The following SCAMP1 variants were observed in gnomAD, a reference collection of about 807,000 sequenced individuals.
SCAMP1 encodes secretory carrier-associated membrane protein 1.
In SCAMP1, 15 loss-of-function variants were observed where a neutral mutation model predicts 41.8. The observed-to-expected ratio is 0.36, with a 90% CI of 0.24 to 0.55. The LOEUF (loss-of-function observed/expected upper bound fraction) is 0.55, where lower values mean the gene tolerates loss of function less well. SCAMP1 is among the 20% of genes least tolerant of loss of function. The pLI, the probability that SCAMP1 is intolerant of heterozygous loss-of-function variation, is 0.86. For missense variants in SCAMP1, 341 were observed against 412.6 expected, an observed-to-expected ratio of 0.83 and a Z score of 1.50; for synonymous variants, 135 against 136.8, an observed-to-expected ratio of 0.99 and a Z score of 0.09.
At chr5:78,458,586 T>TA (rs1231069444) in intron 7 of SCAMP1, among the ~76,000 whole-genome samples, 48 of 152,274 alleles carry the variant, frequency 3.2e-4, no homozygotes, top group Non-Finnish European at 1.3e-4. Context: ...AATAAACATT[T>TA]AAAAAAATGT....
rs188217886 is a variant in SCAMP1, at chr5:78,374,656, T to C, written c.57+13928T>C. 4.0e-4 allele frequency among the ~76,000 whole-genome samples: 61 copies of C among 152,150 alleles called. 1 individual carries two copies. Among genetic ancestry groups the C allele is most frequent in the African/African-American group, 1.4e-3 (58 of 41,542 alleles). ...ATTATATTCACAAATTATGTTTGTTTCCAAAGAAATCTTTCTCTAGAATCT... is the reference window on the plus strand; with the variant it reads ...ATTATATTCACAAATTATGTTTGTTCCCAAAGAAATCTTTCTCTAGAATCT... On this transcript the variant is annotated intron_variant, in intron 1 of 8. Coordinates refer to ENST00000621999, the MANE Select transcript of SCAMP1 (RefSeq NM_004866.6).
chr5:78,444,015 A>G (rs563696733), intron 6 of SCAMP1, among the ~76,000 whole-genome samples: 13 of 152,230 alleles, frequency 8.5e-5, no homozygotes, highest in African/African-American at 3.1e-4. Context: ...ATCTTCTTCC[A>G]AAAAAACACA....
intron 6 of SCAMP1, among the ~76,000 whole-genome samples, chr5:78,425,607 T>C (rs1529499): frequency 0.81 from 123,948 of 152,086 alleles, 51,140 homozygotes; most frequent in East Asian, 0.92. Context: ...AATAAAGACC[T>C]GTTTTAATCC....
intron 1 of SCAMP1, among the ~76,000 whole-genome samples, chr5:78,365,466 T>TC (rs1750770642): frequency 1.0e-5 from 1 of 97,154 alleles, no homozygotes; most frequent in Admixed American, 1.6e-4. Flanking sequence ...AGTGCGAGAC[T>TC]CATCTCAAAA....
rs554185299 is a variant in SCAMP1, at chr5:78,477,102, T to A, written c.*1434T>A. ...TTAGAGGCTGGAAATCCTTATTTTT[T>A]AAAAAATCAGATAGGCATAAATAGT... On this transcript the variant is annotated 3_prime_UTR_variant, in exon 9 of 9. Coordinates refer to ENST00000621999, the MANE Select transcript of SCAMP1 (RefSeq NM_004866.6). 99 of 152,278 alleles carry A rather than the reference T, an allele frequency of 6.5e-4. No homozygotes were observed. The highest frequency in any genetic ancestry group is 2.1e-3 in the African/African-American group (89 of 41,582). 9.4% of individuals were successfully genotyped at this position (152,278 alleles called of 1,614,324 possible).
At chr5:78,403,016 A>G (rs1349741844) in intron 2 of SCAMP1, among the ~76,000 whole-genome samples, 1 of 151,974 alleles carries the variant, frequency 6.6e-6, no homozygotes, top group Admixed American at 6.6e-5. Flanking sequence ...GATTACAGGC[A>G]CCTGCCATCA....
At chr5:78,472,886 G>A (rs1166699949) in intron 8 of SCAMP1, among the ~76,000 whole-genome samples, 1 of 152,086 alleles carries the variant, frequency 6.6e-6, no homozygotes, top group Non-Finnish European at 1.5e-5. Context: ...CAAACTTGGG[G>A]GAAGAGGGGA....
chr5:78,423,710 A>G (rs561232062), intron 6 of SCAMP1, among the ~76,000 whole-genome samples: 94 of 152,242 alleles, frequency 6.2e-4, no homozygotes, highest in Non-Finnish European at 1.2e-3. Context: ...TTGAAATAAA[A>G]ATGCTTGGTG....
chr5:78,417,788 A>C (rs568286613), intron 4 of SCAMP1, among the ~76,000 whole-genome samples: 1 of 152,136 alleles, frequency 6.6e-6, no homozygotes, highest in South Asian at 2.1e-4. Context: ...CTCAAATAGT[A>C]TGAGATTGGT....
At chr5:78,423,281 G>C (rs531406946) in intron 6 of SCAMP1, among the ~76,000 whole-genome samples, 2 of 152,180 alleles carry the variant, frequency 1.3e-5, no homozygotes, top group Non-Finnish European at 2.9e-5. Context: ...ATGGGAGATT[G>C]GTTGCCAAGG....
chr5:78,443,867 C>G (rs571152784), intron 6 of SCAMP1, among the ~76,000 whole-genome samples: 1 of 151,840 alleles, frequency 6.6e-6, no homozygotes, highest in Admixed American at 6.6e-5. Context: ...TATTGCCCCA[C>G]GCTGGTCTTG....
intron 8 of SCAMP1, among the ~76,000 whole-genome samples, chr5:78,460,816 CCTTCCTTTCTT>C (rs1753585671): frequency 3.7e-5 from 1 of 26,746 alleles, no homozygotes; most frequent in African/African-American, 8.7e-5. Context: ...TCCCTTCCTT[CCTTCCTTTCTT>C]GTCTTTCCTC....
At chr5:78,473,136 C>G (rs776071661) in intron 8 of SCAMP1, among the ~76,000 whole-genome samples, 14 of 151,712 alleles carry the variant, frequency 9.2e-5, no homozygotes, top group Admixed American at 2.0e-4. Context: ...TGCTAAGGTA[C>G]TAGGGGAAAG....
chr5:78,447,027 A>G (rs1753067502), intron 6 of SCAMP1, among the ~76,000 whole-genome samples: 1 of 152,212 alleles, frequency 6.6e-6, no homozygotes, highest in Non-Finnish European at 1.5e-5. Context: ...TGTCACATCA[A>G]CAGTGGCATT....
chr5:78,404,113 C>T (rs112003520), intron 2 of SCAMP1, among the ~76,000 whole-genome samples: 1,335 of 43,398 alleles, frequency 0.031, 16 homozygotes, highest in Non-Finnish European at 0.041. Context: ...GAGACCCTGT[C>T]TCAAAAAAAA....
intron 6 of SCAMP1, among the ~76,000 whole-genome samples, chr5:78,443,872 G>A (rs1054579660): frequency 1.3e-5 from 2 of 151,674 alleles, no homozygotes; most frequent in Admixed American, 1.3e-4. Flanking sequence ...CCCCACGCTG[G>A]TCTTGAACTC....
At position 78,478,446 on chromosome 5, in the gene SCAMP1, A is replaced by C. The variant is rs1754055688; in HGVS notation, c.*2778A>C. On this transcript the variant is annotated 3_prime_UTR_variant, in exon 9 of 9. Transcript: ENST00000621999. ...AAAGACCTAGTTAAAAATTCTAACC[A>C]ATGTAAAATGACCATTTTTCTGTTG... 1 of 152,596 alleles carries C rather than the reference A, an allele frequency of 6.6e-6. No individual in the cohort carries two copies. Among genetic ancestry groups the C allele is most frequent in the Non-Finnish European group, 1.5e-5 (1 of 68,004 alleles). The allele number at this position is 152,596 out of a possible 1,614,324, so 9.5% of individuals were successfully genotyped here. A position where few individuals can be genotyped will look rare whatever the true frequency, so the allele number is the denominator to read the frequency against.
At chr5:78,380,273 A>G (rs1751168904) in intron 1 of SCAMP1, among the ~76,000 whole-genome samples, 1 of 152,200 alleles carries the variant, frequency 6.6e-6, no homozygotes, top group African/African-American at 2.4e-5. Flanking sequence ...TGTGGTTACA[A>G]ATAGAATTTT....
At chr5:78,362,184 G>A (rs1348147361) in intron 1 of SCAMP1, among the ~76,000 whole-genome samples, 6 of 152,102 alleles carry the variant, frequency 3.9e-5, no homozygotes, top group African/African-American at 1.4e-4. Context: ...TTTCTAAAGA[G>A]ACCGTTCATA....
Sources: gnomAD v4.1 joint callset for allele counts (sites outside exome capture counted in the v4.1 genomes callset) on GRCh38, gnomAD v4.1.1 for gene constraint, MANE v1.5 for transcripts, NCBI Gene and HGNC (gene_info 2026-07-23, HGNC 2026-07-21) for gene names.